Variants in PLXNA2 observed in about 807,000 individuals in gnomAD.
The protein encoded by PLXNA2 is plexin-A2.
A neutral mutation model predicts 193.5 loss-of-function variants in PLXNA2; 91 were observed. The observed-to-expected ratio is 0.47, with a 90% CI of 0.40 to 0.56. The LOEUF (loss-of-function observed/expected upper bound fraction) is 0.56. Among genes scored for constraint, PLXNA2 ranks in the 20% least tolerant of loss-of-function variants. PLXNA2 has a pLI of 0.00. For synonymous variants in PLXNA2, 997 were observed against 1,027.3 expected (o/e 0.97, Z 0.56); for missense variants, 1,995 against 2,503.2 (o/e 0.80, Z 4.33).
intron 3 of PLXNA2, among the ~76,000 whole-genome samples, chr1:208,159,929 C>T (rs1248093245): frequency 1.3e-5 from 2 of 152,134 alleles, no homozygotes; most frequent in Non-Finnish European, 2.9e-5. Context: ...AGGTGCCTGG[C>T]CCTGCTCCTC....
chr1:208,241,567 G>C (rs1180506031), intron 1 of PLXNA2, among the ~76,000 whole-genome samples: 1 of 152,230 alleles, frequency 6.6e-6, no homozygotes, highest in African/African-American at 2.4e-5. Context: ...GCAGACTCAT[G>C]GTCCCTGGAT....
At chr1:208,190,107 G>T (rs1228105973) in intron 3 of PLXNA2, among the ~76,000 whole-genome samples, 1 of 152,198 alleles carries the variant, frequency 6.6e-6, no homozygotes, top group Non-Finnish European at 1.5e-5. Flanking sequence ...GTATGTGTGT[G>T]TATATGAGTA....
intron 3 of PLXNA2, among the ~76,000 whole-genome samples, chr1:208,194,476 A>G (rs1436376069): frequency 2.8e-5 from 4 of 144,506 alleles, no homozygotes; most frequent in Non-Finnish European, 6.1e-5. Flanking sequence ...AAAAAAAAAA[A>G]AAAAGAAAGA....
intron 3 of PLXNA2, among the ~76,000 whole-genome samples, chr1:208,206,874 C>A (rs1670745491): frequency 6.6e-6 from 1 of 151,804 alleles, no homozygotes; most frequent in Non-Finnish European, 1.5e-5. Flanking sequence ...AGCAATTCTC[C>A]TGCCTCAGCC....
At chr1:208,219,859 G>T (rs1373762651) in intron 1 of PLXNA2, among the ~76,000 whole-genome samples, 1 of 152,118 alleles carries the variant, frequency 6.6e-6, no homozygotes, top group Non-Finnish European at 1.5e-5. Flanking sequence ...AGCCCTTCCG[G>T]CCCCAGGCGC....
chr1:208,093,048 A>G (rs892274708), intron 8 of PLXNA2, 148 bp from the exon 9 acceptor site: 2 of 547,668 alleles, frequency 3.7e-6, no homozygotes, highest in African/African-American at 1.9e-5. Flanking sequence ...AGCACCAAGA[A>G]TTGTGGATTC....
Position 208,031,721 on chromosome 1 carries a change from G to A in PLXNA2, c.5094C>T (p.Thr1698=). ...LQKFVDDLFE[T]LFSTVHRGSA... ...TGCCCCGGTGCACAGTGCTGAACAA[G>A]GTCTCAAACAAGTCGTCCACAAACT... Residue 1698 remains threonine, a synonymous_variant, in exon 29 of 32, where the codon ACC becomes ACT. Transcript: ENST00000367033. 6.2e-7 allele frequency: 1 copy of A among 1,611,096 alleles called. No individual in the cohort carries two copies. Among genetic ancestry groups the A allele is most frequent in the South Asian group, 1.1e-5 (1 of 90,894 alleles).
chr1:208,078,967 C>T (rs1270460686), intron 12 of PLXNA2, among the ~76,000 whole-genome samples: 1 of 152,176 alleles, frequency 6.6e-6, no homozygotes, highest in Non-Finnish European at 1.5e-5. Context: ...TCACTTGGCT[C>T]AGCCAGCCTG....
intron 9 of PLXNA2, among the ~76,000 whole-genome samples, chr1:208,090,722 T>G (rs976502539): frequency 6.6e-6 from 1 of 152,222 alleles, no homozygotes; most frequent in Non-Finnish European, 1.5e-5. Context: ...TGTCTAGATT[T>G]GTACTTCATC....
At chr1:208,144,288 G>A (rs1177686157) in intron 3 of PLXNA2, among the ~76,000 whole-genome samples, 6 of 152,182 alleles carry the variant, frequency 3.9e-5, no homozygotes, top group South Asian at 2.1e-4. Context: ...CTTATTGGCC[G>A]AGTGGGGAAG....
At chr1:208,234,428 G>A (rs191516757) in intron 1 of PLXNA2, among the ~76,000 whole-genome samples, 17 of 152,348 alleles carry the variant, frequency 1.1e-4, no homozygotes, top group African/African-American at 3.8e-4. Context: ...AGTGCTATGG[G>A]ATGTTTAGGA....
chr1:208,188,362 G>A lies in PLXNA2; in HGVS notation c.1371+21918C>T, dbSNP rs1248705496. On this transcript the variant is annotated intron_variant, in intron 3 of 31. Coordinates refer to ENST00000367033, the MANE Select transcript of PLXNA2 (RefSeq NM_025179.4). The stretch of plus-strand genomic sequence containing the variant: ...TTGAGCCACAAAACTAGGGATTTAT[G>A]CCTAGGATCCACTGCTTACTGACTC... Among the ~76,000 whole-genome samples the A allele has an allele frequency of 7.2e-5, 11 of 152,258 alleles. 1 individual carries two copies. In the East Asian group the frequency reaches 2.1e-3, roughly 29 times the overall value.
chr1:208,199,953 A>T (rs1439131357), intron 3 of PLXNA2, among the ~76,000 whole-genome samples: 1 of 152,148 alleles, frequency 6.6e-6, no homozygotes, highest in African/African-American at 2.4e-5. Flanking sequence ...TTAAGGGAAC[A>T]CTCTTGATCT....
At chr1:208,164,773 G>A (rs74779285) in intron 3 of PLXNA2, among the ~76,000 whole-genome samples, 1 of 152,200 alleles carries the variant, frequency 6.6e-6, no homozygotes, top group Non-Finnish European at 1.5e-5. Context: ...CGGCTCCCTG[G>A]GGGCAGAGGA....
At chr1:208,165,586 A>G (rs1669275553) in intron 3 of PLXNA2, among the ~76,000 whole-genome samples, 3 of 152,150 alleles carry the variant, frequency 2.0e-5, no homozygotes, top group African/African-American at 7.2e-5. Context: ...ACAACGGGGC[A>G]GCTTTCGTCA....
intron 2 of PLXNA2, among the ~76,000 whole-genome samples, chr1:208,210,955 C>A (rs978679085): frequency 6.6e-6 from 1 of 152,134 alleles, no homozygotes; most frequent in African/African-American, 2.4e-5. Context: ...AAATTTTAGG[C>A]CATTCAACTA....
chr1:208,222,555 G>A (rs1671372933), intron 1 of PLXNA2, among the ~76,000 whole-genome samples: 1 of 152,220 alleles, frequency 6.6e-6, no homozygotes, highest in Admixed American at 6.5e-5. Context: ...GGATTCAGGA[G>A]GCAGGTGTTA....
intron 7 of PLXNA2, 89 bp downstream of exon 7, chr1:208,096,638 TAAG>T: frequency 2.1e-6 from 3 of 1,431,862 alleles, no homozygotes; most frequent in South Asian, 2.6e-5. Flanking sequence ...GTATCTGGTA[TAAG>T]AAGACTGTGT....
chr1:208,028,135 G>GACC lies in PLXNA2; in HGVS notation c.5462_5463insGGT (p.Leu1821_Pro1822insVal). ...TCATGTCCTGGTCACTGATGGCTGG[G>GACC]AGCTTGGCGATGTCTGCGTAGTATC... On this transcript the variant is annotated inframe_insertion, in exon 31 of 32. Coordinates refer to ENST00000367033, the MANE Select transcript of PLXNA2 (RefSeq NM_025179.4). The surrounding 1 kb of genome is among the most constrained non-coding windows in gnomAD (Gnocchi z 4.2). 1 of 1,613,160 alleles carries GACC rather than the reference G, an allele frequency of 6.2e-7. No individual in the cohort carries two copies. The highest frequency in any genetic ancestry group is 8.5e-7 in the Non-Finnish European group (1 of 1,179,540).
Sources: allele counts gnomAD v4.1 joint callset (sites outside exome capture counted in the v4.1 genomes callset), GRCh38; gene constraint gnomAD v4.1.1; non-coding constraint Gnocchi (gnomAD v3.1); transcripts MANE v1.5; gene names NCBI Gene and HGNC (gene_info 2026-07-23, HGNC 2026-07-21).